MFHAS1: variants seen among roughly 807,000 people sequenced by gnomAD.
MFHAS1 encodes the protein multifunctional ROCO family signaling regulator 1, also known as malignant fibrous histiocytoma-amplified sequence 1.
MFHAS1 carries 50 observed loss-of-function variants against 70.4 expected under a neutral mutation model. The ratio of observed to expected loss-of-function variants is 0.71; its 90% CI spans 0.57 to 0.90. The LOEUF (loss-of-function observed/expected upper bound fraction) is 0.90, where lower values mean the gene tolerates loss of function less well. Ranked by LOEUF, MFHAS1 falls within the 40% of genes least tolerant of loss-of-function variation. The pLI is 0.00. For synonymous variants in MFHAS1, 952 were observed against 620.0 expected (o/e 1.54, Z -7.96); for missense variants, 1,795 against 1,347.6 (o/e 1.33, Z -5.20).
At chr8:8,829,035 A>G (rs766062672) in intron 1 of MFHAS1, among the ~76,000 whole-genome samples, 6 of 152,120 alleles carry the variant, frequency 3.9e-5, no homozygotes, top group Non-Finnish European at 7.4e-5. Context: ...CTCACATTCA[A>G]GTGAACTCCT....
chr8:8,882,719 C>T (rs1420289660), intron 1 of MFHAS1, among the ~76,000 whole-genome samples: 1 of 152,256 alleles, frequency 6.6e-6, no homozygotes, highest in Non-Finnish European at 1.5e-5. Flanking sequence ...CATTGCACAG[C>T]TTCATTCATG....
At chr8:8,810,394 C>T (rs1806501898) in intron 1 of MFHAS1, among the ~76,000 whole-genome samples, 2 of 152,134 alleles carry the variant, frequency 1.3e-5, no homozygotes, top group South Asian at 4.1e-4. Flanking sequence ...AAGGCGTATA[C>T]AGTCAACTCC....
intron 1 of MFHAS1, among the ~76,000 whole-genome samples, chr8:8,848,294 G>A (rs1000961995): frequency 6.6e-6 from 1 of 151,946 alleles, no homozygotes; most frequent in East Asian, 1.9e-4. Context: ...TTCAAAGAAG[G>A]GATTATGACT....
At chr8:8,860,606 C>A (rs1444447695) in intron 1 of MFHAS1, among the ~76,000 whole-genome samples, 4 of 152,158 alleles carry the variant, frequency 2.6e-5, no homozygotes, top group Non-Finnish European at 5.9e-5. Flanking sequence ...TCACAGCAAA[C>A]AGGAGGCTTA....
intron 1 of MFHAS1, among the ~76,000 whole-genome samples, chr8:8,872,310 G>A (rs746415449): frequency 2.6e-5 from 4 of 152,074 alleles, no homozygotes; most frequent in Admixed American, 6.6e-5. Flanking sequence ...TTATGATCTC[G>A]ATGGAAATCC....
chr8:8,810,317 G>C (rs1397113555), intron 1 of MFHAS1, among the ~76,000 whole-genome samples: 2 of 152,232 alleles, frequency 1.3e-5, no homozygotes, highest in African/African-American at 4.8e-5. Context: ...AGTGAGCCTA[G>C]ATCATGCCAC....
rs773228583 is a variant in MFHAS1 at position 8,892,308 on chromosome 8, T to C, written c.751A>G (p.Ser251Gly). ...TLPAGFCELA[S>G]LESLMLDNNG... The stretch of plus-strand genomic sequence containing the variant: ...TTGTCTAGCATGAGGCTCTCCAAAC[T>C]GGCCAGCTCGCAGAAGCCGGCGGGC... The change falls in exon 1 of 3, where the codon AGT (serine) becomes GGT (glycine). Residue 251 changes from serine (S) to glycine (G), a missense_variant. Transcript: ENST00000276282. This position sits in a 1 kb window ranked among gnomAD's most constrained non-coding sequence, Gnocchi z 4.7. 13 of 1,612,236 alleles carry C rather than the reference T, an allele frequency of 8.1e-6. No individual in the cohort carries two copies. Among genetic ancestry groups the C allele is most frequent in the African/African-American group, 2.7e-5 (2 of 74,874 alleles).
At chr8:8,867,611 G>A (rs1043293308) in intron 1 of MFHAS1, among the ~76,000 whole-genome samples, 2 of 150,756 alleles carry the variant, frequency 1.3e-5, no homozygotes, top group Non-Finnish European at 3.0e-5. Flanking sequence ...AGGCTGGAGT[G>A]CAGTGGCGCA....
At chr8:8,807,613 C>A (rs921691522) in intron 1 of MFHAS1, among the ~76,000 whole-genome samples, 1 of 152,138 alleles carries the variant, frequency 6.6e-6, no homozygotes, top group Non-Finnish European at 1.5e-5. Context: ...AAAGTTTTCC[C>A]TGTACCCCCT....
At chr8:8,844,031 A>T (rs1807938874) in intron 1 of MFHAS1, among the ~76,000 whole-genome samples, 1 of 152,182 alleles carries the variant, frequency 6.6e-6, no homozygotes, top group African/African-American at 2.4e-5. Context: ...GTCATGCTGA[A>T]AGGCACAGAA....
chr8:8,847,083 G>C (rs1035261993), intron 1 of MFHAS1, among the ~76,000 whole-genome samples: 1 of 152,114 alleles, frequency 6.6e-6, no homozygotes, highest in Admixed American at 6.6e-5. Context: ...TTTTTCAGAG[G>C]AATCACCAAA....
At chr8:8,809,027 A>G (rs1281885971) in intron 1 of MFHAS1, among the ~76,000 whole-genome samples, 1 of 152,116 alleles carries the variant, frequency 6.6e-6, no homozygotes, top group African/African-American at 2.4e-5. Context: ...GGGCAGCATG[A>G]GATTCTCATA....
At chr8:8,795,781 G>A (rs1443230498) in intron 2 of MFHAS1, among the ~76,000 whole-genome samples, 2 of 152,224 alleles carry the variant, frequency 1.3e-5, no homozygotes, top group African/African-American at 2.4e-5. Flanking sequence ...CTGGAATGCA[G>A]CCGGACAGCA....
chr8:8,892,759 G>T lies in MFHAS1; in HGVS notation c.300C>A (p.Ala100=). 6.3e-7 allele frequency: 1 copy of T among 1,578,278 alleles called. No individual in the cohort carries two copies. Among genetic ancestry groups the T allele is most frequent in the Admixed American group, 1.9e-5 (1 of 53,744 alleles). The stretch of plus-strand genomic sequence containing the variant: ...GCTCGGCCACCGCCGGGGGCAGCCG[G>T]GCGAAGCGGTTCCTGCGCAGGACCA... ...RVLVLRRNRF[A]RLPPAVAELG... is the part of the protein sequence containing the mutation. Residue 100 remains alanine (A), a synonymous_variant, in exon 1 of 3, where the codon GCC becomes GCA. Coordinates refer to ENST00000276282, the MANE Select transcript of MFHAS1 (RefSeq NM_004225.3). This position sits in a 1 kb window ranked among gnomAD's most constrained non-coding sequence, Gnocchi z 4.7.
chr8:8,788,090 G>T (rs1297094732), intron 2 of MFHAS1, among the ~76,000 whole-genome samples: 2 of 152,166 alleles, frequency 1.3e-5, no homozygotes, highest in African/African-American at 4.8e-5. Flanking sequence ...GTGCTTACAA[G>T]ACTCTGTTCA....
chr8:8,849,007 G>A (rs894234216), intron 1 of MFHAS1, among the ~76,000 whole-genome samples: 6 of 149,138 alleles, frequency 4.0e-5, no homozygotes, highest in Non-Finnish European at 7.4e-5. Context: ...CCTCCCACTA[G>A]CAGGGTAAAG....
At chr8:8,875,321 G>C (rs1446931878) in intron 1 of MFHAS1, among the ~76,000 whole-genome samples, 2 of 152,032 alleles carry the variant, frequency 1.3e-5, no homozygotes, top group Non-Finnish European at 2.9e-5. Flanking sequence ...TAAACAAAAA[G>C]AACACAAGGT....
At chr8:8,829,193 C>T (rs777839678) in intron 1 of MFHAS1, among the ~76,000 whole-genome samples, 4 of 151,760 alleles carry the variant, frequency 2.6e-5, no homozygotes, top group African/African-American at 4.9e-5. Context: ...GGGTGCGGAG[C>T]GCCCTCCCAG....
chr8:8,856,127 A>T (rs558988773), intron 1 of MFHAS1, among the ~76,000 whole-genome samples: 1 of 152,226 alleles, frequency 6.6e-6, no homozygotes, highest in African/African-American at 2.4e-5. Context: ...TTCCCCATGA[A>T]CTCCTCACAT....
Sources: gnomAD v4.1 joint callset for allele counts (sites outside exome capture counted in the v4.1 genomes callset) on GRCh38, gnomAD v4.1.1 for gene constraint, Gnocchi (gnomAD v3.1) non-coding constraint, MANE v1.5 for transcripts, NCBI Gene and HGNC (gene_info 2026-07-23, HGNC 2026-07-21) for gene names.